The following HGSNAT variants were observed in gnomAD, a reference collection of about 807,000 sequenced individuals.
HGSNAT encodes transmembrane protein 76.
A neutral mutation model predicts 85.2 loss-of-function variants in HGSNAT; 59 were observed. The observed-to-expected ratio is 0.69, with a 90% CI of 0.56 to 0.86. HGSNAT has a LOEUF of 0.86. Among genes scored for constraint, HGSNAT ranks in the 40% least tolerant of loss-of-function variants. The pLI is 0.00. For synonymous variants in HGSNAT, 321 were observed against 304.5 expected, an observed-to-expected ratio of 1.05 and a Z score of -0.56; for missense variants, 756 against 777.1, an observed-to-expected ratio of 0.97 and a Z score of 0.32.
In HGSNAT at chr8:43,202,240, A is replaced by G. The variant is rs1804938662; in HGVS notation, c.*2671A>G. ...ACCAGGCATCCCCTCTCCTCCCACG[A>G]AGGGTGTGCCATAATCCCCTTCAAC... On this transcript the variant is annotated 3_prime_UTR_variant, in exon 18 of 18. Transcript: ENST00000379644. 6.6e-6 allele frequency: 1 copy of G among 152,394 alleles called. No individual in the cohort carries two copies. Among genetic ancestry groups the G allele is most frequent in the South Asian group, 2.1e-4 (1 of 4,830 alleles). The allele number at this position is 152,394 out of a possible 1,614,324, so 9.4% of individuals were successfully genotyped here. A position where few individuals can be genotyped will look rare whatever the true frequency, so the allele number is the denominator to read the frequency against.
At chr8:43,151,849 A>T (rs979738820) in intron 2 of HGSNAT, among the ~76,000 whole-genome samples, 4 of 152,214 alleles carry the variant, frequency 2.6e-5, no homozygotes, top group African/African-American at 9.6e-5. Context: ...CAGTAGAGAG[A>T]TTCTATCCAG....
intron 4 of HGSNAT, among the ~76,000 whole-genome samples, chr8:43,160,192 A>T (rs1298513734): frequency 1.3e-5 from 2 of 152,194 alleles, no homozygotes; most frequent in African/African-American, 4.8e-5. Flanking sequence ...GAAAGGAGAG[A>T]TTTAAGCATT....
intron 1 of HGSNAT, among the ~76,000 whole-genome samples, chr8:43,141,933 T>C (rs1802563390): frequency 6.6e-6 from 1 of 152,142 alleles, no homozygotes; most frequent in African/African-American, 2.4e-5. Flanking sequence ...GGTTTGTAAA[T>C]AGTAATCACA....
chr8:43,148,104 G>T (rs1802773376), intron 2 of HGSNAT, among the ~76,000 whole-genome samples: 1 of 152,040 alleles, frequency 6.6e-6, no homozygotes, highest in Admixed American at 6.6e-5. Context: ...TACCGGGCAT[G>T]GTGGCACATG....
chr8:43,177,952 A>C, intron 9 of HGSNAT, 122 bp from the exon 10 acceptor site: 2 of 808,942 alleles, frequency 2.5e-6, no homozygotes, highest in Non-Finnish European at 4.2e-6. Flanking sequence ...GTATTATTTC[A>C]GTAATTGGCT....
intron 2 of HGSNAT, among the ~76,000 whole-genome samples, chr8:43,148,414 G>A (rs559049122): frequency 6.6e-5 from 10 of 151,950 alleles, no homozygotes; most frequent in Non-Finnish European, 1.5e-4. Context: ...GGTGTTAGGT[G>A]TAGGGCAAGT....
At chr8:43,194,205 C>A in intron 14 of HGSNAT, 1 of 672,882 alleles carries the variant, frequency 1.5e-6, no homozygotes, top group Non-Finnish European at 1.9e-6. Flanking sequence ...TGAGACCAGC[C>A]TGGGTAACAT....
chr8:43,162,692 C>G (rs188384064), intron 5 of HGSNAT, among the ~76,000 whole-genome samples: 1 of 151,818 alleles, frequency 6.6e-6, no homozygotes, highest in African/African-American at 2.4e-5. Context: ...GTTGGGACTA[C>G]AGGCATGCAT....
intron 11 of HGSNAT, among the ~76,000 whole-genome samples, chr8:43,189,567 G>C (rs1190005831): frequency 2.0e-5 from 3 of 152,144 alleles, no homozygotes; most frequent in Non-Finnish European, 4.4e-5. Flanking sequence ...GGAATTATCC[G>C]ACCTCTTGCA....
At chr8:43,179,644 G>A (rs1305581888) in intron 10 of HGSNAT, among the ~76,000 whole-genome samples, 7 of 23,158 alleles carry the variant, frequency 3.0e-4, no homozygotes, top group Admixed American at 7.4e-4. Flanking sequence ...CGGACGGGGC[G>A]ACTGGCCAGG....
intron 1 of HGSNAT, among the ~76,000 whole-genome samples, chr8:43,143,181 A>G (rs1802605073): frequency 6.6e-6 from 1 of 152,258 alleles, no homozygotes; most frequent in Non-Finnish European, 1.5e-5. Context: ...GGATTAAATA[A>G]AGGTGGTTAA....
intron 11 of HGSNAT, among the ~76,000 whole-genome samples, chr8:43,187,471 C>CT (rs1804357797): frequency 6.6e-6 from 1 of 152,018 alleles, no homozygotes; most frequent in Admixed American, 6.6e-5. Context: ...CAACTCCTGC[C>CT]TTTTTTTGTT....
chr8:43,190,767 C>T (rs563601200), intron 11 of HGSNAT, among the ~76,000 whole-genome samples: 1 of 152,236 alleles, frequency 6.6e-6, no homozygotes, highest in Non-Finnish European at 1.5e-5. Context: ...GTATAATTTA[C>T]GTACCATAAA....
chr8:43,156,878 C>T (rs190729646), intron 2 of HGSNAT, among the ~76,000 whole-genome samples: 188 of 152,030 alleles, frequency 1.2e-3, no homozygotes, highest in African/African-American at 4.3e-3. Flanking sequence ...TACCTTTTTC[C>T]ATCCCTTTTC....
chr8:43,197,162 CAG>C (rs1484254454), intron 15 of HGSNAT, 137 bp downstream of exon 15: 2 of 647,434 alleles, frequency 3.1e-6, no homozygotes, highest in African/African-American at 3.6e-5. Context: ...ACTTGAATAA[CAG>C]AGAGGAACAA....
intron 9 of HGSNAT, 120 bp downstream of exon 9, chr8:43,173,863 A>G: frequency 1.9e-6 from 2 of 1,042,882 alleles, no homozygotes; most frequent in Non-Finnish European, 2.8e-6. Flanking sequence ...AAGTCCTTCC[A>G]AAAGTCCTGT....
At chr8:43,146,583 T>C (rs914760749) in intron 1 of HGSNAT, among the ~76,000 whole-genome samples, 8 of 152,244 alleles carry the variant, frequency 5.3e-5, no homozygotes, top group Non-Finnish European at 1.0e-4. Context: ...GTCATTATTA[T>C]AGGGAAACTA....
intron 11 of HGSNAT, among the ~76,000 whole-genome samples, chr8:43,186,892 G>A (rs915866846): frequency 2.6e-5 from 4 of 152,158 alleles, no homozygotes; most frequent in South Asian, 2.1e-4. Context: ...CCTTCATTTC[G>A]TTATGTACCC....
At chr8:43,192,064 G>A (rs1321374125) in intron 12 of HGSNAT, among the ~76,000 whole-genome samples, 1 of 152,096 alleles carries the variant, frequency 6.6e-6, no homozygotes, top group Non-Finnish European at 1.5e-5. Context: ...GAGTAGCTGG[G>A]ATTACAGGCG....
Sources: gnomAD v4.1 joint callset for allele counts (sites outside exome capture counted in the v4.1 genomes callset) on GRCh38, gnomAD v4.1.1 for gene constraint, MANE v1.5 for transcripts, NCBI Gene and HGNC (gene_info 2026-07-23, HGNC 2026-07-21) for gene names.